LRRC8A: variants seen among roughly 807,000 people sequenced by gnomAD.
LRRC8A encodes volume-regulated anion channel subunit LRRC8A.
LRRC8A carries 24 observed loss-of-function variants against 52.5 expected under a neutral mutation model. The ratio of observed to expected loss-of-function variants is 0.46; its 90% CI spans 0.33 to 0.64. The LOEUF (loss-of-function observed/expected upper bound fraction) is 0.64. Among genes scored for constraint, LRRC8A ranks in the 30% least tolerant of loss-of-function variants. LRRC8A has a pLI of 0.02. For synonymous variants in LRRC8A, 492 were observed against 494.2 expected, an observed-to-expected ratio of 1.00 and a Z score of 0.06; for missense variants, 677 against 1,094.7, an observed-to-expected ratio of 0.62 and a Z score of 5.38.
Position 128,907,101 on chromosome 9 carries a change from G to A in LRRC8A, c.-8-56G>A. ...CATTGTCTTCTTCCCCTGACCCCTG[G>A]TCCTAGGAAAGCCAGGCCACCCTGT... On this transcript the variant is annotated intron_variant, in intron 2 of 3. Coordinates refer to ENST00000372600, the MANE Select transcript of LRRC8A (RefSeq NM_019594.4). The surrounding 1 kb of genome is among the most constrained non-coding windows in gnomAD (Gnocchi z 9.3). 1.5e-6 allele frequency: 2 copies of A among 1,377,910 alleles called. No individual in the cohort carries two copies. The highest frequency in any genetic ancestry group is 2.0e-6 in the Non-Finnish European group (2 of 996,234). 85.4% of individuals were successfully genotyped at this position (1,377,910 alleles called of 1,614,324 possible). A position where few individuals can be genotyped will look rare whatever the true frequency, so the allele number is the denominator to read the frequency against.
chr9:128,890,169 T>TGTGTGTGTGTGTGTGC (rs1491190172), intron 2 of LRRC8A, among the ~76,000 whole-genome samples: 20 of 148,452 alleles, frequency 1.3e-4, no homozygotes, highest in Non-Finnish European at 3.0e-4. Context: ...TGTGTGTGTG[T>TGTGTGTGTGTGTGTGC]GCTGGGAAGG....
chr9:128,916,469 G>A lies in LRRC8A; in HGVS notation c.*98G>A. ...TCTCCCAGAACTCCCGGACAGCCAG[G>A]ACAGCCTCGTGGCTGGGCAGGAGCC... On this transcript the variant is annotated 3_prime_UTR_variant, in exon 4 of 4. Transcript: ENST00000372600. The surrounding 1 kb of genome is among the most constrained non-coding windows in gnomAD (Gnocchi z 6.1). The A allele has an allele frequency of 2.1e-6, 3 of 1,438,224 alleles. No individual in the cohort carries two copies. The highest frequency in any genetic ancestry group is 1.4e-5 in the South Asian group (1 of 72,722). 89.1% of individuals were successfully genotyped at this position (1,438,224 alleles called of 1,614,324 possible).
chr9:128,895,239 C>G (rs1839778451), intron 2 of LRRC8A, among the ~76,000 whole-genome samples: 1 of 152,134 alleles, frequency 6.6e-6, no homozygotes, highest in Admixed American at 6.6e-5. Flanking sequence ...GTTGTAGAAG[C>G]TCGGGAGGCT....
chr9:128,883,680 G>C (rs896225794), intron 1 of LRRC8A, among the ~76,000 whole-genome samples: 2 of 152,116 alleles, frequency 1.3e-5, no homozygotes, highest in Non-Finnish European at 2.9e-5. Context: ...AGGGTACAGA[G>C]CAGGGGGTGC....
intron 2 of LRRC8A, among the ~76,000 whole-genome samples, chr9:128,887,317 C>T (rs1446493721): frequency 6.6e-6 from 1 of 151,846 alleles, no homozygotes; most frequent in African/African-American, 2.4e-5. Context: ...CACTACTGTG[C>T]CCAGCTAATT....
At position 128,902,945 on chromosome 9, in the gene LRRC8A, G is replaced by A. The variant is rs532699735; in HGVS notation, c.-8-4212G>A. 3.3e-5 allele frequency among the ~76,000 whole-genome samples: 5 copies of A among 152,280 alleles called. No individual in the cohort carries two copies. In the East Asian group the frequency reaches 5.8e-4, roughly 18 times the overall value. ...CTGAGCGCTGGTAATGCTGAGGGGC[G>A]GGGAAGCTGCACTCCCAGTCCTGTT... On this transcript the variant is annotated intron_variant, in intron 2 of 3. Coordinates refer to ENST00000372600, the MANE Select transcript of LRRC8A (RefSeq NM_019594.4). The surrounding 1 kb of genome is among the most constrained non-coding windows in gnomAD (Gnocchi z 4.1).
chr9:128,883,811 A>G (rs1399601018), intron 1 of LRRC8A, among the ~76,000 whole-genome samples: 1 of 152,164 alleles, frequency 6.6e-6, no homozygotes, highest in Non-Finnish European at 1.5e-5. Flanking sequence ...TGTCTCTACT[A>G]AAAATACAAA....
At position 128,892,595 on chromosome 9, in the gene LRRC8A, C is replaced by T. The variant is rs1366307758; in HGVS notation, c.-9+6474C>T. Among the ~76,000 whole-genome samples, 1 of 152,214 alleles carries T rather than the reference C, an allele frequency of 6.6e-6. No individual in the cohort carries two copies. The highest frequency in any genetic ancestry group is 1.5e-5 in the Non-Finnish European group (1 of 68,026). On this transcript the variant is annotated intron_variant, in intron 2 of 3. Transcript: ENST00000372600. This position sits in a 1 kb window ranked among gnomAD's most constrained non-coding sequence, Gnocchi z 5.2. ...CCCCCAGCCAGCAGCCTCTGACTCA[C>T]CCCAGCTGGGTGTGGGGGCCTCCAG... is the stretch of plus-strand genomic sequence containing the variant.
chr9:128,886,430 G>A (rs777876644), intron 2 of LRRC8A, among the ~76,000 whole-genome samples: 10 of 152,196 alleles, frequency 6.6e-5, no homozygotes, highest in Non-Finnish European at 8.8e-5. Flanking sequence ...CAAAAAGCGT[G>A]GACCACGTTT....
chr9:128,908,708 T>C lies in LRRC8A; in HGVS notation c.1544T>C (p.Leu515Pro). The change falls in exon 3 of 4, where the codon CTG (leucine) becomes CCG (proline). Residue 515 changes from leucine (L) to proline (P), a missense_variant. Physicochemically the swap from Leu to Pro is moderately conservative, Grantham distance 98 (BLOSUM62 -3). This residue lies in a region of LRRC8A where 422 missense variants were observed against 741.5 expected (regional missense o/e 0.57). Coordinates refer to ENST00000372600, the MANE Select transcript of LRRC8A (RefSeq NM_019594.4). The part of the protein sequence containing the change: ...IKEIPLWIYS[L>P]KTLEELHLTG... ...GAGATCCCGCTGTGGATCTATAGCC[T>C]GAAGACACTGGAGGAGCTGCACCTG... is the stretch of plus-strand genomic sequence containing the variant. The C allele has an allele frequency of 6.2e-7, 1 of 1,613,054 alleles. No homozygotes were observed. The highest frequency in any genetic ancestry group is 2.2e-5 in the East Asian group (1 of 44,874).
chr9:128,908,283 C>T lies in LRRC8A; in HGVS notation c.1119C>T (p.Ala373=). 1 of 1,614,186 alleles carries T rather than the reference C, an allele frequency of 6.2e-7. No homozygotes were observed. Among genetic ancestry groups the T allele is most frequent in the African/African-American group, 1.3e-5 (1 of 75,072 alleles). The change falls in exon 3 of 4, where the codon GCC becomes GCT. Residue 373 remains alanine (A), a synonymous_variant. Transcript: ENST00000372600. ...TCCCCGACGTCAAGAACGACTTCGCCTTCATGCTGCACCTCATTGACCAAT... is the reference window on the plus strand; with the variant it reads ...TCCCCGACGTCAAGAACGACTTCGCTTTCATGCTGCACCTCATTGACCAAT... ...SDIPDVKNDF[A]FMLHLIDQYD... is the part of the protein sequence containing the mutation.
At chr9:128,891,492 T>C (rs933778317) in intron 2 of LRRC8A, among the ~76,000 whole-genome samples, 9 of 152,110 alleles carry the variant, frequency 5.9e-5, no homozygotes, top group Non-Finnish European at 1.3e-4. Context: ...GCCAAGGAGT[T>C]CAAAGTTGCA....
At chr9:128,897,606 G>T (rs933664884) in intron 2 of LRRC8A, among the ~76,000 whole-genome samples, 1 of 151,856 alleles carries the variant, frequency 6.6e-6, no homozygotes, top group African/African-American at 2.4e-5. Flanking sequence ...GTGCAATGGC[G>T]CAATCTCGGC....
At chr9:128,888,503 GGTT>G (rs1839483970) in intron 2 of LRRC8A, among the ~76,000 whole-genome samples, 1 of 152,122 alleles carries the variant, frequency 6.6e-6, no homozygotes, top group Admixed American at 6.5e-5. Flanking sequence ...AGGAAGTGTT[GGTT>G]GTGGTCCTTT....
At chr9:128,890,968 A>G (rs1839594500) in intron 2 of LRRC8A, among the ~76,000 whole-genome samples, 1 of 151,618 alleles carries the variant, frequency 6.6e-6, no homozygotes, top group Non-Finnish European at 1.5e-5. Flanking sequence ...TGGGCAACAT[A>G]GTGACCTGTC....
Position 128,908,960 on chromosome 9 carries a change from T to TC in LRRC8A, c.1798dup (p.Arg600ProfsTer3). 6.2e-7 allele frequency: 1 copy of TC among 1,614,110 alleles called. No homozygotes were observed. Among genetic ancestry groups the TC allele is most frequent in the Non-Finnish European group, 8.5e-7 (1 of 1,180,014 alleles). On this transcript the variant is annotated frameshift_variant, in exon 3 of 4. Transcript: ENST00000372600. LOFTEE classifies it high-confidence loss of function. ...GCGAACCTGACTGAGCTGGAGCTGA[T>TC]CCGCTGTGACCTGGAGCGCATCCCC...
At chr9:128,910,932 T>G (rs543853852) in intron 3 of LRRC8A, among the ~76,000 whole-genome samples, 1 of 152,300 alleles carries the variant, frequency 6.6e-6, no homozygotes, top group South Asian at 2.1e-4. Flanking sequence ...AGCCCCACGG[T>G]GCAGTCCCTG....
intron 2 of LRRC8A, among the ~76,000 whole-genome samples, 156 bp downstream of exon 2, chr9:128,886,277 T>G (rs1287626134): frequency 6.6e-6 from 1 of 152,196 alleles, no homozygotes; most frequent in East Asian, 1.9e-4. Context: ...AATTACTCTC[T>G]TCCTCCTTCT....
intron 2 of LRRC8A, among the ~76,000 whole-genome samples, chr9:128,900,137 G>C (rs1335621466): frequency 6.6e-6 from 1 of 152,190 alleles, no homozygotes; most frequent in African/African-American, 2.4e-5. Flanking sequence ...AAGGGCCCAG[G>C]CTTCCTGGCT....
Sources: allele counts gnomAD v4.1 joint callset (sites outside exome capture counted in the v4.1 genomes callset), GRCh38; gene constraint gnomAD v4.1.1; regional missense constraint gnomAD v4.1.1; non-coding constraint Gnocchi (gnomAD v3.1); transcripts MANE v1.5; gene names NCBI Gene and HGNC (gene_info 2026-07-23, HGNC 2026-07-21).